ANO3: variants seen among roughly 807,000 people sequenced by gnomAD.
ANO3 encodes anoctamin-3.
A neutral mutation model predicts 144.8 loss-of-function variants in ANO3; 99 were observed. That is an observed-to-expected ratio of 0.68 (90% confidence interval 0.58 to 0.81). The LOEUF (loss-of-function observed/expected upper bound fraction) is 0.81, where lower values mean the gene tolerates loss of function less well. ANO3 is among the 30% of genes least tolerant of loss of function. The pLI is 0.00. For missense variants in ANO3, 905 were observed against 1,202.2 expected, an observed-to-expected ratio of 0.75 and a Z score of 3.66; for synonymous variants, 414 against 392.6, an observed-to-expected ratio of 1.05 and a Z score of -0.64.
At chr11:26,189,323 C>G (rs1331714527) in exon 1 of ANO3, 1 of 985,212 alleles carries the variant, frequency 1.0e-6, no homozygotes, top group Non-Finnish European at 1.2e-6. Flanking sequence ...CCAGTTCTGT[C>G]CCGACTGGTA....
At chr11:26,271,270 G>T (rs1456408285) in intron 1 of ANO3, among the ~76,000 whole-genome samples, 1 of 152,196 alleles carries the variant, frequency 6.6e-6, no homozygotes, top group East Asian at 1.9e-4. Flanking sequence ...CCAACAGGTG[G>T]CATTTTTTCT....
chr11:26,261,267 T>C (rs1853182323), intron 1 of ANO3, among the ~76,000 whole-genome samples: 1 of 152,216 alleles, frequency 6.6e-6, no homozygotes, highest in Non-Finnish European at 1.5e-5. Context: ...TCTACACACT[T>C]ATTTATTACA....
At chr11:26,469,319 C>T (rs1342023589) in intron 4 of ANO3, among the ~76,000 whole-genome samples, 4 of 151,730 alleles carry the variant, frequency 2.6e-5, no homozygotes, top group Admixed American at 2.0e-4. Context: ...TGGGTGTGTG[C>T]ATGTATGTGT....
chr11:26,575,274 C>T (rs1228724784), intron 14 of ANO3, among the ~76,000 whole-genome samples: 2 of 151,720 alleles, frequency 1.3e-5, no homozygotes, highest in Non-Finnish European at 2.9e-5. Context: ...TGTTTTATTA[C>T]TTCTGATGAT....
intron 1 of ANO3, among the ~76,000 whole-genome samples, chr11:26,234,354 ATATTT>A (rs1451396479): frequency 4.6e-5 from 7 of 152,252 alleles, no homozygotes; most frequent in East Asian, 1.9e-4. Context: ...GATATGCCAT[ATATTT>A]TATTTTATGT....
At chr11:26,336,666 C>T (rs1855201829) in intron 1 of ANO3, among the ~76,000 whole-genome samples, 1 of 152,144 alleles carries the variant, frequency 6.6e-6, no homozygotes, top group Non-Finnish European at 1.5e-5. Flanking sequence ...CTGATATCCA[C>T]TGTTTTCATC....
At chr11:26,269,001 G>T (rs1853378105) in intron 1 of ANO3, among the ~76,000 whole-genome samples, 2 of 152,140 alleles carry the variant, frequency 1.3e-5, no homozygotes, top group Admixed American at 1.3e-4. Context: ...CCTCAACTCA[G>T]AAACATTGAG....
intron 17 of ANO3, among the ~76,000 whole-genome samples, chr11:26,612,271 G>A (rs1031957536): frequency 6.6e-6 from 1 of 151,874 alleles, no homozygotes; most frequent in Non-Finnish European, 1.5e-5. Context: ...TTGTGTGACT[G>A]CTGTAATTTC....
intron 1 of ANO3, among the ~76,000 whole-genome samples, chr11:26,438,865 T>A (rs968401092): frequency 2.1e-4 from 32 of 151,320 alleles, no homozygotes; most frequent in Non-Finnish European, 2.9e-5. Context: ...TACAAAAGAC[T>A]AAGAATAGCC....
At chr11:26,555,533 T>G (rs1850059437) in intron 13 of ANO3, among the ~76,000 whole-genome samples, 1 of 152,132 alleles carries the variant, frequency 6.6e-6, no homozygotes, top group Non-Finnish European at 1.5e-5. Flanking sequence ...AAGGTACATT[T>G]AAGGACAGGG....
rs1396804436 is a variant in ANO3 at position 26,620,816 on chromosome 11, A to ATATTT, written c.1837-3646_1837-3645insTATTT. Among the ~76,000 whole-genome samples the ATATTT allele has an allele frequency of 5.9e-5, 9 of 152,326 alleles. No individual in the cohort carries two copies. The East Asian group carries it at 1.7e-3, about 29-fold the overall frequency. The stretch of plus-strand genomic sequence containing the variant: ...TACCACTGGTTACCAATTACAGTGC[A>ATATTT]AATAAGCTATTATGGAATAGGGTGG... On this transcript the variant is annotated intron_variant, in intron 17 of 26. Coordinates refer to ENST00000256737, the MANE Select transcript of ANO3 (RefSeq NM_031418.4).
At chr11:26,592,518 A>C (rs1851483282) in intron 14 of ANO3, among the ~76,000 whole-genome samples, 4 of 151,088 alleles carry the variant, frequency 2.6e-5, no homozygotes, top group Admixed American at 2.0e-4. Flanking sequence ...GCCTCTGCCC[A>C]ACCAGTGAAA....
At chr11:26,266,033 T>C (rs1191429575) in intron 1 of ANO3, among the ~76,000 whole-genome samples, 1 of 152,206 alleles carries the variant, frequency 6.6e-6, no homozygotes, top group Non-Finnish European at 1.5e-5. Context: ...AAGGAAAATA[T>C]ATTTCAAATA....
chr11:26,610,874 A>G (rs1013829933), intron 17 of ANO3, among the ~76,000 whole-genome samples: 1 of 151,906 alleles, frequency 6.6e-6, no homozygotes, highest in East Asian at 1.9e-4. Context: ...GGTAACTTGT[A>G]TTTGTCAAGG....
At chr11:26,642,571 C>CG (rs1554983944) in intron 22 of ANO3, among the ~76,000 whole-genome samples, 1 of 151,324 alleles carries the variant, frequency 6.6e-6, no homozygotes, top group Non-Finnish European at 1.5e-5. Flanking sequence ...AGGCTGGTCT[C>CG]AACTCCTGAC....
chr11:26,446,160 C>T (rs775114116), intron 3 of ANO3, among the ~76,000 whole-genome samples: 3 of 152,016 alleles, frequency 2.0e-5, no homozygotes, highest in Non-Finnish European at 4.4e-5. Flanking sequence ...AAGAAGACGC[C>T]CGGCCTAATA....
chr11:26,277,093 A>G (rs1165037925), intron 1 of ANO3, among the ~76,000 whole-genome samples: 1 of 152,128 alleles, frequency 6.6e-6, no homozygotes, highest in Non-Finnish European at 1.5e-5. Context: ...GGGGTAATTT[A>G]AGTCAGAAAT....
rs1163938700 is a variant in ANO3, at chr11:26,332,894, C to G, written c.46+573C>G. Among the ~76,000 whole-genome samples, 4 of 152,226 alleles carry G rather than the reference C, an allele frequency of 2.6e-5. No individual in the cohort carries two copies. In the East Asian group the frequency reaches 7.7e-4, roughly 29 times the overall value. On this transcript the variant is annotated intron_variant, in intron 1 of 26. Coordinates refer to ENST00000256737, the MANE Select transcript of ANO3 (RefSeq NM_031418.4). ...AAGTTCTTGAGGTTAGGTTTCTCTT[C>G]TAGGGGCTTCGTATTATGTCTTTTA...
At chr11:26,219,975 C>CACA (rs1852109974) in intron 1 of ANO3, among the ~76,000 whole-genome samples, 1 of 152,146 alleles carries the variant, frequency 6.6e-6, no homozygotes, top group Admixed American at 6.5e-5. Context: ...GACAAATAAG[C>CACA]ACATAGCCTG....
Sources: allele counts gnomAD v4.1 joint callset (sites outside exome capture counted in the v4.1 genomes callset), GRCh38; gene constraint gnomAD v4.1.1; transcripts MANE v1.5; gene names NCBI Gene and HGNC (gene_info 2026-07-23, HGNC 2026-07-21).